The following FSTL5 variants were observed in gnomAD, a reference collection of about 807,000 sequenced individuals.
FSTL5 encodes follistatin-related protein 5.
FSTL5 carries 62 observed loss-of-function variants against 89.1 expected under a neutral mutation model. The ratio of observed to expected loss-of-function variants is 0.70; its 90% CI spans 0.57 to 0.86. The LOEUF (loss-of-function observed/expected upper bound fraction) is 0.86. FSTL5 is among the 40% of genes least tolerant of loss of function. The pLI, the probability that FSTL5 is intolerant of heterozygous loss-of-function variation, is 0.00. For missense variants in FSTL5, 1,057 were observed against 1,001.6 expected (o/e 1.06, Z -0.75); for synonymous variants, 383 against 346.2 (o/e 1.11, Z -1.18).
chr4:162,013,796 A>AAT (rs1736837195), intron 3 of FSTL5, among the ~76,000 whole-genome samples: 3 of 145,472 alleles, frequency 2.1e-5, no homozygotes, highest in African/African-American at 7.5e-5. Flanking sequence ...ATGTATGGTG[A>AAT]CTTTTTTTTT....
At chr4:161,503,394 A>G (rs1324315662) in intron 11 of FSTL5, among the ~76,000 whole-genome samples, 1 of 151,858 alleles carries the variant, frequency 6.6e-6, no homozygotes, top group Non-Finnish European at 1.5e-5. Flanking sequence ...TATGATATAA[A>G]ATTTTAAGTT....
rs140621467 is a variant in FSTL5 at position 161,963,953 on chromosome 4, T to A, written c.161-43301A>T. Among the ~76,000 whole-genome samples the A allele has an allele frequency of 3.9e-3, 592 of 152,066 alleles. 5 individuals are homozygous for A. The highest frequency in any genetic ancestry group is 0.013 in the African/African-American group (546 of 41,540). On this transcript the variant is annotated intron_variant, in intron 3 of 15. Coordinates refer to ENST00000306100, the MANE Select transcript of FSTL5 (RefSeq NM_020116.5). Reference sequence around the variant, plus strand: ...ACATTTAGGAATATATCTCCATGAATTCTGAGGTTATATACAGAATTGAAT... The same window carrying A: ...ACATTTAGGAATATATCTCCATGAAATCTGAGGTTATATACAGAATTGAAT...
intron 4 of FSTL5, among the ~76,000 whole-genome samples, chr4:161,901,796 G>C (rs189424268): frequency 6.6e-6 from 1 of 152,050 alleles, no homozygotes; most frequent in Non-Finnish European, 1.5e-5. Context: ...TTAGCCGGGC[G>C]TGGTGGGGTG....
chr4:162,140,901 A>G (rs1428101942), intron 1 of FSTL5, among the ~76,000 whole-genome samples: 2 of 152,036 alleles, frequency 1.3e-5, no homozygotes, highest in Admixed American at 1.3e-4. Flanking sequence ...TATAGTTTTG[A>G]TATTTGTCCT....
At chr4:162,073,785 C>G (rs535908051) in intron 2 of FSTL5, among the ~76,000 whole-genome samples, 9 of 151,788 alleles carry the variant, frequency 5.9e-5, no homozygotes, top group African/African-American at 2.2e-4. Context: ...CAGTACTCTT[C>G]CTTTTCAGAA....
intron 4 of FSTL5, among the ~76,000 whole-genome samples, chr4:161,838,332 G>A (rs757035273): frequency 1.3e-5 from 2 of 152,250 alleles, no homozygotes; most frequent in East Asian, 1.9e-4. Flanking sequence ...AGACTGGAGC[G>A]CAGAGGCGTG....
At chr4:161,506,614 AG>A (rs1730491428) in intron 11 of FSTL5, among the ~76,000 whole-genome samples, 1 of 152,052 alleles carries the variant, frequency 6.6e-6, no homozygotes, top group African/African-American at 2.4e-5. Context: ...AACCACACTT[AG>A]AAGCTGTATT....
chr4:162,136,219 C>T (rs564823891), intron 1 of FSTL5, among the ~76,000 whole-genome samples: 1 of 151,962 alleles, frequency 6.6e-6, no homozygotes, highest in East Asian at 1.9e-4. Context: ...TTAATATGTA[C>T]CAAAACATCT....
intron 10 of FSTL5, among the ~76,000 whole-genome samples, chr4:161,528,087 T>G (rs564311751): frequency 4.0e-4 from 56 of 141,480 alleles, no homozygotes; most frequent in African/African-American, 1.4e-3. Context: ...TAGGTGGGAA[T>G]TGAACAATGA....
intron 6 of FSTL5, among the ~76,000 whole-genome samples, chr4:161,694,434 G>T (rs1738065375): frequency 6.6e-6 from 1 of 151,852 alleles, no homozygotes; most frequent in Admixed American, 6.6e-5. Context: ...ACTGTATTTT[G>T]AACTACAGAA....
intron 7 of FSTL5, among the ~76,000 whole-genome samples, chr4:161,650,305 C>T (rs1015378684): frequency 6.6e-6 from 1 of 152,104 alleles, no homozygotes; most frequent in Admixed American, 6.5e-5. Flanking sequence ...AGTAATCAAA[C>T]TATTGAGTTT....
intron 3 of FSTL5, among the ~76,000 whole-genome samples, chr4:161,956,525 G>A (rs749666515): frequency 4.0e-5 from 6 of 151,786 alleles, no homozygotes; most frequent in Non-Finnish European, 7.4e-5. Context: ...GAAAATATTT[G>A]CAACACACTA....
At chr4:161,556,386 C>T (rs192987385) in intron 8 of FSTL5, among the ~76,000 whole-genome samples, 11 of 151,516 alleles carry the variant, frequency 7.3e-5, no homozygotes, top group Non-Finnish European at 1.3e-4. Flanking sequence ...TTTCTACCAC[C>T]GTTTGTGTAA....
At chr4:161,896,530 G>A (rs1733163382) in intron 4 of FSTL5, among the ~76,000 whole-genome samples, 1 of 152,050 alleles carries the variant, frequency 6.6e-6, no homozygotes, top group African/African-American at 2.4e-5. Flanking sequence ...GAAAGTTCAT[G>A]TCTTCAGTTT....
At chr4:161,771,438 C>T (rs1741207006) in intron 5 of FSTL5, among the ~76,000 whole-genome samples, 1 of 151,994 alleles carries the variant, frequency 6.6e-6, no homozygotes, top group Non-Finnish European at 1.5e-5. Flanking sequence ...GACACAGAAG[C>T]TTTAAGTAAA....
intron 7 of FSTL5, among the ~76,000 whole-genome samples, chr4:161,594,455 T>C (rs1351020843): frequency 6.6e-6 from 1 of 152,106 alleles, no homozygotes; most frequent in Non-Finnish European, 1.5e-5. Flanking sequence ...ATAATCAAGA[T>C]TCCTTCACCC....
intron 1 of FSTL5, among the ~76,000 whole-genome samples, chr4:162,162,122 T>C (rs1276265763): frequency 6.6e-6 from 1 of 152,102 alleles, no homozygotes; most frequent in Non-Finnish European, 1.5e-5. Flanking sequence ...TGCAACAATA[T>C]GCATTGCTTG....
chr4:161,927,555 C>T (rs375876193), intron 3 of FSTL5, among the ~76,000 whole-genome samples: 38 of 151,510 alleles, frequency 2.5e-4, no homozygotes, highest in South Asian at 1.2e-3. Context: ...TAAAAATAAA[C>T]GGCTGCTAGA....
At chr4:161,932,375 G>A (rs970449270) in intron 3 of FSTL5, among the ~76,000 whole-genome samples, 5 of 151,518 alleles carry the variant, frequency 3.3e-5, no homozygotes, top group Admixed American at 1.3e-4. Context: ...ACTGTTTATC[G>A]TCTTTTTATT....
Sources: allele counts gnomAD v4.1 joint callset (sites outside exome capture counted in the v4.1 genomes callset), GRCh38; gene constraint gnomAD v4.1.1; transcripts MANE v1.5; gene names NCBI Gene and HGNC (gene_info 2026-07-23, HGNC 2026-07-21).